UNC13C: variants seen among roughly 807,000 people sequenced by gnomAD.
UNC13C encodes the protein unc-13 homolog C.
Under a neutral mutation model 245.4 loss-of-function variants are expected in UNC13C, and 174 were observed. That is an observed-to-expected ratio of 0.71 (90% CI 0.63 to 0.80). UNC13C has a LOEUF of 0.80. Ranked by LOEUF, UNC13C falls within the 30% of genes least tolerant of loss-of-function variation. The pLI is 0.00. For missense variants in UNC13C, 2,829 were observed against 2,602.9 expected (o/e 1.09, Z -1.89); for synonymous variants, 992 against 895.1 (o/e 1.11, Z -1.93).
the UNC13C span, among the ~76,000 whole-genome samples, chr15:53,892,872 T>C: frequency 6.6e-6 from 1 of 152,186 alleles, no homozygotes; most frequent in Non-Finnish European, 1.5e-5. Flanking sequence ...CTTACTTTTG[T>C]CAATTCATCA....
the UNC13C span, among the ~76,000 whole-genome samples, chr15:53,862,314 G>A: frequency 6.6e-6 from 1 of 152,110 alleles, no homozygotes; most frequent in African/African-American, 2.4e-5. Context: ...TCACCAGACA[G>A]ACTCAAAATT....
At chr15:54,484,516 C>G (rs1350933858) in intron 19 of UNC13C, among the ~76,000 whole-genome samples, 1 of 151,592 alleles carries the variant, frequency 6.6e-6, no homozygotes, top group African/African-American at 2.4e-5. Flanking sequence ...AATACATTAT[C>G]AGTAAAGTAA....
At chr15:54,351,170 T>C (rs1481308366) in intron 17 of UNC13C, among the ~76,000 whole-genome samples, 1 of 152,102 alleles carries the variant, frequency 6.6e-6, no homozygotes, top group Non-Finnish European at 1.5e-5. Context: ...TTTTTTACAA[T>C]TGTTTGACTC....
At chr15:54,123,286 T>G (rs975040562) in intron 2 of UNC13C, among the ~76,000 whole-genome samples, 35 of 151,872 alleles carry the variant, frequency 2.3e-4, no homozygotes, top group African/African-American at 8.2e-4. Context: ...TAAATTGGTT[T>G]GTTATCTTGA....
intron 18 of UNC13C, among the ~76,000 whole-genome samples, chr15:54,402,301 A>C (rs910973194): frequency 1.1e-4 from 17 of 152,178 alleles, no homozygotes; most frequent in Middle Eastern, 3.2e-3. Flanking sequence ...TTTAAAACAG[A>C]TCAAGTGTGT....
chr15:54,153,829 G>A (rs775323925), intron 4 of UNC13C, among the ~76,000 whole-genome samples: 14 of 151,916 alleles, frequency 9.2e-5, no homozygotes, highest in Non-Finnish European at 1.9e-4. Flanking sequence ...TGGACCCAAG[G>A]TGTGATAATT....
chr15:54,025,413 A>G (rs571899341), intron 2 of UNC13C, among the ~76,000 whole-genome samples: 1 of 152,350 alleles, frequency 6.6e-6, no homozygotes, highest in Middle Eastern at 3.4e-3. Flanking sequence ...ACTATTCTAA[A>G]TACTTCACTA....
intron 2 of UNC13C, among the ~76,000 whole-genome samples, chr15:54,019,359 A>G (rs1281631547): frequency 2.0e-5 from 3 of 152,218 alleles, no homozygotes; most frequent in African/African-American, 7.2e-5. Flanking sequence ...ACTCAGAGAT[A>G]TTCACGAGAA....
rs1901241854 is a variant in UNC13C, at chr15:54,627,310, A to G, written c.*197A>G. On this transcript the variant is annotated 3_prime_UTR_variant, in exon 33 of 33. Coordinates refer to ENST00000260323, the MANE Select transcript of UNC13C (RefSeq NM_001080534.3). Reference sequence around the variant, plus strand: ...GGAAATCAGTGTTCCATGAAGTGCCAAAATTATGATGTAAAGTGAAATATC... The same window carrying G: ...GGAAATCAGTGTTCCATGAAGTGCCGAAATTATGATGTAAAGTGAAATATC... The G allele has an allele frequency of 2.1e-6, 1 of 468,692 alleles. No individual in the cohort carries two copies. The highest frequency in any genetic ancestry group is 3.7e-6 in the Non-Finnish European group (1 of 270,850). 29.0% of individuals were successfully genotyped at this position (468,692 alleles called of 1,614,324 possible). A position where few individuals can be genotyped will look rare whatever the true frequency, so the allele number is the denominator to read the frequency against.
At chr15:54,552,444 A>ATT (rs1322358642) in intron 28 of UNC13C, among the ~76,000 whole-genome samples, 362 of 2,238 alleles carry the variant, frequency 0.16, 19 homozygotes, top group Non-Finnish European at 0.18. Flanking sequence ...TATATATTAC[A>ATT]ATATATAATA....
intron 2 of UNC13C, among the ~76,000 whole-genome samples, chr15:54,114,406 T>C (rs1448733960): frequency 6.6e-6 from 1 of 152,168 alleles, no homozygotes; most frequent in Non-Finnish European, 1.5e-5. Context: ...TTCATAAATA[T>C]AGTAGAAGTG....
At chr15:54,404,740 A>G (rs1419271202) in intron 18 of UNC13C, among the ~76,000 whole-genome samples, 1 of 152,138 alleles carries the variant, frequency 6.6e-6, no homozygotes, top group African/African-American at 2.4e-5. Context: ...CAAAGTTACA[A>G]AATGGTTGTG....
intron 4 of UNC13C, among the ~76,000 whole-genome samples, chr15:54,163,553 G>T (rs1469636842): frequency 6.6e-6 from 1 of 152,016 alleles, no homozygotes; most frequent in African/African-American, 2.4e-5. Context: ...AACACCCACT[G>T]TACTTCTTTT....
the UNC13C span, among the ~76,000 whole-genome samples, chr15:53,951,535 C>G: frequency 6.6e-6 from 1 of 152,204 alleles, no homozygotes; most frequent in East Asian, 1.9e-4. Context: ...CACATGGCCA[C>G]CCTATTCTTC....
At chr15:54,274,161 G>C (rs1042408379) in intron 10 of UNC13C, among the ~76,000 whole-genome samples, 3 of 152,006 alleles carry the variant, frequency 2.0e-5, no homozygotes, top group African/African-American at 7.2e-5. Context: ...GGGGAGAAGT[G>C]GTCAGTTCTG....
intron 4 of UNC13C, among the ~76,000 whole-genome samples, chr15:54,156,935 A>G (rs1024026653): frequency 9.9e-5 from 15 of 151,866 alleles, no homozygotes; most frequent in African/African-American, 3.6e-4. Context: ...AGAACTAGAC[A>G]TCAGAGGAAA....
intron 18 of UNC13C, among the ~76,000 whole-genome samples, chr15:54,412,404 C>G (rs1234243829): frequency 3.9e-5 from 6 of 152,038 alleles, no homozygotes; most frequent in African/African-American, 1.4e-4. Context: ...GCTTTTAAAA[C>G]CATCAGATCT....
At chr15:54,437,683 A>C (rs1290502699) in intron 19 of UNC13C, among the ~76,000 whole-genome samples, 1 of 152,084 alleles carries the variant, frequency 6.6e-6, no homozygotes, top group South Asian at 2.1e-4. Context: ...GATCGATTGC[A>C]AACAGGAACA....
At chr15:54,097,452 G>A (rs183990999) in intron 2 of UNC13C, among the ~76,000 whole-genome samples, 34 of 152,174 alleles carry the variant, frequency 2.2e-4, no homozygotes, top group Admixed American at 3.9e-4. Flanking sequence ...GAGATTATGC[G>A]GTACTGATGA....
Sources: gnomAD v4.1 joint callset for allele counts (sites outside exome capture counted in the v4.1 genomes callset) on GRCh38, gnomAD v4.1.1 for gene constraint, MANE v1.5 for transcripts, NCBI Gene and HGNC (gene_info 2026-07-23, HGNC 2026-07-21) for gene names.